Variants in RAB28 observed in about 807,000 individuals in gnomAD.
RAB28 encodes the protein ras-related protein Rab-28.
In RAB28, 24 loss-of-function variants were observed where a neutral mutation model predicts 31.7. The ratio of observed to expected loss-of-function variants is 0.76; its 90% CI spans 0.55 to 1.06. RAB28 has a LOEUF of 1.06. Among genes scored for constraint, RAB28 ranks in the 50% least tolerant of loss-of-function variants. The pLI, the probability that RAB28 is intolerant of heterozygous loss-of-function variation, is 0.00. For missense variants in RAB28, 254 were observed against 258.5 expected, an observed-to-expected ratio of 0.98 and a Z score of 0.12; for synonymous variants, 100 against 90.4, an observed-to-expected ratio of 1.11 and a Z score of -0.60.
intron 2 of RAB28, among the ~76,000 whole-genome samples, chr4:13,474,924 T>C (rs918195804): frequency 1.3e-5 from 2 of 151,658 alleles, no homozygotes. Context: ...AATGTGATTG[T>C]CAGCTACTAT....
intron 4 of RAB28, among the ~76,000 whole-genome samples, chr4:13,404,799 CT>C (rs1295503697): frequency 6.6e-6 from 1 of 151,974 alleles, no homozygotes; most frequent in Non-Finnish European, 1.5e-5. Context: ...CCAAAGAATA[CT>C]TTTTTTACAG....
chr4:13,378,928 C>T (rs1244530955), intron 5 of RAB28, among the ~76,000 whole-genome samples: 10 of 151,820 alleles, frequency 6.6e-5, no homozygotes, highest in East Asian at 5.8e-4. Flanking sequence ...AAATAGTCAT[C>T]GGCCTGGTGC....
intron 4 of RAB28, among the ~76,000 whole-genome samples, chr4:13,402,991 T>G (rs944137534): frequency 1.3e-5 from 2 of 152,108 alleles, no homozygotes; most frequent in Non-Finnish European, 2.9e-5. Flanking sequence ...AAAGGGGTTT[T>G]GTCATGTGGC....
intron 4 of RAB28, among the ~76,000 whole-genome samples, chr4:13,419,560 C>G (rs1161023120): frequency 1.3e-5 from 2 of 152,180 alleles, no homozygotes; most frequent in African/African-American, 4.8e-5. Context: ...CTCTAAGGAG[C>G]ACAGTGCAAT....
chr4:13,440,920 C>T (rs929557604), intron 4 of RAB28, among the ~76,000 whole-genome samples: 1 of 151,376 alleles, frequency 6.6e-6, no homozygotes, highest in African/African-American at 2.4e-5. Flanking sequence ...CTGAGAAAGG[C>T]CTTAGAATGA....
At chr4:13,470,806 T>A (rs768972659) in intron 3 of RAB28, among the ~76,000 whole-genome samples, 1 of 152,138 alleles carries the variant, frequency 6.6e-6, no homozygotes, top group Non-Finnish European at 1.5e-5. Context: ...TTCTTAGAAC[T>A]AGTTCTTGTC....
At chr4:13,429,842 TAGAG>T (rs1320139714) in intron 4 of RAB28, among the ~76,000 whole-genome samples, 1 of 152,146 alleles carries the variant, frequency 6.6e-6, no homozygotes, top group Non-Finnish European at 1.5e-5. Flanking sequence ...AAAAGAAAAG[TAGAG>T]AGAACCATAC....
At chr4:13,388,268 A>G (rs1351694072) in intron 4 of RAB28, among the ~76,000 whole-genome samples, 2 of 152,096 alleles carry the variant, frequency 1.3e-5, no homozygotes, top group African/African-American at 4.8e-5. Context: ...TCAGTGGGGA[A>G]AAGGACAATC....
chr4:13,383,456 T>C (rs1729220951), intron 4 of RAB28, among the ~76,000 whole-genome samples: 1 of 152,124 alleles, frequency 6.6e-6, no homozygotes, highest in South Asian at 2.1e-4. Flanking sequence ...ATGGAAAGAC[T>C]AGTAGTACCA....
intron 3 of RAB28, among the ~76,000 whole-genome samples, chr4:13,462,346 T>C (rs1188482979): frequency 7.2e-5 from 11 of 152,194 alleles, no homozygotes; most frequent in Admixed American, 6.5e-4. Context: ...ACCATATAGA[T>C]ACAGCAGATG....
intron 4 of RAB28, among the ~76,000 whole-genome samples, chr4:13,388,238 T>C (rs1359140939): frequency 1.3e-5 from 2 of 152,030 alleles, no homozygotes. Flanking sequence ...AATGATCTTC[T>C]ATAAGGAGGC....
chr4:13,452,132 ATCT>A (rs988206193), intron 4 of RAB28, among the ~76,000 whole-genome samples: 3 of 151,882 alleles, frequency 2.0e-5, no homozygotes, highest in Non-Finnish European at 2.9e-5. Context: ...CTATTGTGAC[ATCT>A]TCTTTTTCAT....
At chr4:13,425,921 G>C (rs945412929) in intron 4 of RAB28, among the ~76,000 whole-genome samples, 2 of 152,124 alleles carry the variant, frequency 1.3e-5, no homozygotes, top group African/African-American at 4.8e-5. Flanking sequence ...TTAGCACTTT[G>C]AGGTACTACT....
At chr4:13,389,454 T>G (rs1190008673) in intron 4 of RAB28, among the ~76,000 whole-genome samples, 1 of 152,142 alleles carries the variant, frequency 6.6e-6, no homozygotes, top group Non-Finnish European at 1.5e-5. Flanking sequence ...TTTTGTAGTT[T>G]TTTAACCACC....
intron 4 of RAB28, among the ~76,000 whole-genome samples, chr4:13,414,555 TCAAC>T (rs1363225206): frequency 6.6e-6 from 1 of 152,216 alleles, no homozygotes; most frequent in Non-Finnish European, 1.5e-5. Context: ...CTATGTCACT[TCAAC>T]CAACTACAGT....
chr4:13,450,840 G>A (rs1418041568), intron 4 of RAB28, among the ~76,000 whole-genome samples: 3 of 151,652 alleles, frequency 2.0e-5, no homozygotes, highest in Non-Finnish European at 4.4e-5. Context: ...TTCTAAGTAT[G>A]ATACAAATGA....
chr4:13,439,438 T>G (rs1039898130), intron 4 of RAB28, among the ~76,000 whole-genome samples: 2 of 151,230 alleles, frequency 1.3e-5, no homozygotes, highest in African/African-American at 4.9e-5. Flanking sequence ...CAACGCAACC[T>G]CCACCTCCCA....
At chr4:13,476,881 A>G (rs1227471837) in intron 2 of RAB28, among the ~76,000 whole-genome samples, 1 of 151,564 alleles carries the variant, frequency 6.6e-6, no homozygotes, top group Non-Finnish European at 1.5e-5. Context: ...GAGAAAAAAT[A>G]AAATAAATGA....
chr4:13,477,017 T>G lies in RAB28; in HGVS notation c.172+2413A>C, dbSNP rs1365061693. ...TACTTAAAGTGCTGCATAGTCAAGA[T>G]GGAACTAAAAACACAAGTCTGCCCA... On this transcript the variant is annotated intron_variant, in intron 2 of 6. Transcript: ENST00000330852. 2.0e-5 allele frequency among the ~76,000 whole-genome samples: 3 copies of G among 151,592 alleles called. No homozygotes were observed. In the South Asian group the frequency reaches 6.2e-4, roughly 31 times the overall value.
Sources: gnomAD v4.1 joint callset for allele counts (sites outside exome capture counted in the v4.1 genomes callset) on GRCh38, gnomAD v4.1.1 for gene constraint, MANE v1.5 for transcripts, NCBI Gene and HGNC (gene_info 2026-07-23, HGNC 2026-07-21) for gene names.